The following NBPF12 variants were observed in gnomAD, a reference collection of about 807,000 sequenced individuals.
NBPF12 encodes the protein NBPF member 12, also known as NBPF family member NBPF12.
A neutral mutation model predicts 146.4 loss-of-function variants in NBPF12; 115 were observed. The ratio of observed to expected loss-of-function variants is 0.79; its 90% CI spans 0.68 to 0.92. NBPF12 has a LOEUF of 0.92. Among genes scored for constraint, NBPF12 ranks in the 40% least tolerant of loss-of-function variants. NBPF12 has a pLI of 0.00. For synonymous variants in NBPF12, 385 were observed against 508.9 expected (o/e 0.76, Z 3.28); for missense variants, 1,205 against 1,326.8 (o/e 0.91, Z 1.43).
chr1:146,994,844 T>G, exon 34 of NBPF12: 1 of 632,096 alleles, frequency 1.6e-6, no homozygotes, highest in Non-Finnish European at 2.5e-6. Context: ...CATGTATCTC[T>G]GGGTAGCTAC....
upstream of NBPF12, among the ~76,000 whole-genome samples, chr1:146,947,098 GA>G (rs1189742854): frequency 9.9e-5 from 15 of 151,860 alleles, no homozygotes; most frequent in Middle Eastern, 0.014. Context: ...TGTAAGTCCT[GA>G]AGTTGGTAGT....
chr1:146,982,479 AGAAATT>A (rs1392647812), intron 19 of NBPF12, among the ~76,000 whole-genome samples: 2 of 151,502 alleles, frequency 1.3e-5, no homozygotes, highest in Non-Finnish European at 2.9e-5. Flanking sequence ...TTGCAAGAAA[AGAAATT>A]GAAAAAGTAA....
At chr1:146,949,506 A>G (rs1467365263) in intron 1 of NBPF12, 84 bp downstream of exon 4, 1 of 125,838 alleles carries the variant, frequency 7.9e-6, no homozygotes, top group Non-Finnish European at 1.6e-5. Flanking sequence ...GCATACATTT[A>G]TCTGAAATTG....
At chr1:146,962,710 C>T (rs1402118572) in intron 5 of NBPF12, among the ~76,000 whole-genome samples, 2 of 148,760 alleles carry the variant, frequency 1.3e-5, no homozygotes, top group African/African-American at 5.0e-5. Flanking sequence ...CCATCTGCAC[C>T]TGGCCTCATT....
chr1:146,989,155 A>G (rs1478807514), intron 27 of NBPF12, among the ~76,000 whole-genome samples: 2 of 108,192 alleles, frequency 1.8e-5, no homozygotes, highest in Non-Finnish European at 4.0e-5. Flanking sequence ...TAGGTTGACC[A>G]TACTTCAAAA....
At chr1:146,987,620 A>G (rs1657859071) in intron 25 of NBPF12, among the ~76,000 whole-genome samples, 1 of 152,058 alleles carries the variant, frequency 6.6e-6, no homozygotes, top group Non-Finnish European at 1.5e-5. Flanking sequence ...ACTAACTCAG[A>G]GTGTCCTGTT....
chr1:146,939,270 G>A (rs1654684296), intron 1 of NBPF12, among the ~76,000 whole-genome samples: 2 of 152,050 alleles, frequency 1.3e-5, no homozygotes, highest in African/African-American at 2.4e-5. Flanking sequence ...GCAGCTTCGG[G>A]GGCACGTCTT....
chr1:146,970,031 T>G (rs1166481145), intron 11 of NBPF12, among the ~76,000 whole-genome samples: 1 of 149,566 alleles, frequency 6.7e-6, no homozygotes, highest in Non-Finnish European at 1.5e-5. Flanking sequence ...AATTGTCTCT[T>G]TCAAGGGTCT....
chr1:146,938,457 G>A (rs879015973), upstream of NBPF12, among the ~76,000 whole-genome samples: 8 of 152,240 alleles, frequency 5.3e-5, no homozygotes, highest in South Asian at 2.1e-4. Flanking sequence ...CGGGGAAATC[G>A]GCGAATTGCA....
At chr1:146,971,650 C>T (rs1201114923) in intron 13 of NBPF12, among the ~76,000 whole-genome samples, 4 of 149,738 alleles carry the variant, frequency 2.7e-5, no homozygotes, top group Non-Finnish European at 5.9e-5. Flanking sequence ...ATTAGGCAGT[C>T]ATGGTGCTGC....
At chr1:146,972,927 G>T in exon 14 of NBPF12, 1 of 974,422 alleles carries the variant, frequency 1.0e-6, no homozygotes, top group Admixed American at 1.7e-5. Context: ...AACTCAAGTG[G>T]CCTGCTTCCT....
At chr1:146,979,207 G>T (rs1485206572) in intron 19 of NBPF12, among the ~76,000 whole-genome samples, 197 bp downstream of exon 22, 1 of 113,002 alleles carries the variant, frequency 8.8e-6, no homozygotes, top group Non-Finnish European at 1.8e-5. Flanking sequence ...ATAGGAACTT[G>T]CCATCAGATG....
exon 13 of NBPF12, chr1:146,971,370 C>G: frequency 1.2e-6 from 2 of 1,611,362 alleles, no homozygotes; most frequent in South Asian, 2.2e-5. Context: ...TGATGAATGT[C>G]AGGATGCTCT....
chr1:146,964,444 T>C lies in NBPF12; in HGVS notation c.566+15T>C, dbSNP rs1656060900. 8.1e-6 allele frequency: 13 copies of C among 1,599,004 alleles called. No homozygotes were observed. The highest frequency in any genetic ancestry group is 9.4e-6 in the Non-Finnish European group (11 of 1,167,972). ...TCTGCCCCCAGGTAACACTGAATAC[T>C]CAGGAGCAAGTAATGGGTGGTAACA... On this transcript the variant is annotated intron_variant, in intron 7 of 33. Transcript: ENST00000617844.
At position 146,966,572 on chromosome 1, in the gene NBPF12, G is replaced by A. The variant is rs1553885672; in HGVS notation, c.887G>A (p.Arg296His). Residue 296 changes from arginine (R) to histidine (H), a missense_variant, in exon 9 of 34, where the codon CGC (arginine) becomes CAC (histidine). Arg to His is a conservative substitution (Grantham distance 29, BLOSUM62 0). This residue lies in a region of NBPF12 where 325 missense variants were observed against 236.6 expected (regional missense o/e 1.37). Coordinates refer to ENST00000617844, the Ensembl canonical transcript of NBPF12. ...ATTCTAGAAATCAATGAGAAGTTGC[G>A]CCCCCAGCTGGCAGAGAAGAAACAG... 1.2e-4 allele frequency: 167 copies of A among 1,393,768 alleles called. 2 individuals carry two copies. The East Asian group carries it at 2.5e-3, about 21-fold the overall frequency. The allele number at this position is 1,393,768 out of a possible 1,614,324, so 86.3% of individuals were successfully genotyped here.
chr1:146,993,790 G>A, intron 33 of NBPF12, 83 bp downstream of exon 36: 3 of 76,656 alleles, frequency 3.9e-5, no homozygotes, highest in Non-Finnish European at 6.1e-5. Context: ...TGTGTTTGAT[G>A]TCATGTTTTC....
rs1197225479 is a variant in NBPF12, at chr1:146,970,691, G to A, written c.1351G>A (p.Glu451Lys). The stretch of plus-strand genomic sequence containing the variant: ...TGAAGATGTTCAAGTTGAGGAGGAT[G>A]AGAAAGTGCTGGAATCATCTTCCCC... The change falls in exon 12 of 34, where the codon GAG (glutamate) becomes AAG (lysine). Residue 451 changes from glutamate (E) to lysine (K), a missense_variant. Physicochemically the swap from Glu to Lys is moderately conservative, Grantham distance 56. Around this residue, in one of 16 missense-constraint regions of NBPF12, gnomAD observed 278 missense variants for 203.1 expected, o/e 1.37. Coordinates refer to ENST00000617844, the Ensembl canonical transcript of NBPF12. 3 of 1,419,418 alleles carry A rather than the reference G, an allele frequency of 2.1e-6. No homozygotes were observed. The South Asian group carries it at 3.5e-5, about 16-fold the overall frequency. 87.9% of individuals were successfully genotyped at this position (1,419,418 alleles called of 1,614,324 possible). A position where few individuals can be genotyped will look rare whatever the true frequency, so the allele number is the denominator to read the frequency against.
upstream of NBPF12, among the ~76,000 whole-genome samples, chr1:146,946,793 A>G (rs1655096201): frequency 6.6e-6 from 1 of 151,456 alleles, no homozygotes; most frequent in Admixed American, 6.6e-5. Context: ...CTCCTATGTT[A>G]TCTCCTAGGA....
chr1:146,941,800 C>T (rs1436889516), intron 1 of NBPF12, among the ~76,000 whole-genome samples: 4 of 144,630 alleles, frequency 2.8e-5, no homozygotes, highest in African/African-American at 7.7e-5. Context: ...GAAATCAATG[C>T]CTAGCCTAAG....
Sources: allele counts gnomAD v4.1 joint callset (sites outside exome capture counted in the v4.1 genomes callset), GRCh38; gene constraint gnomAD v4.1.1; regional missense constraint gnomAD v4.1.1; transcripts MANE v1.5; gene names NCBI Gene and HGNC (gene_info 2026-07-23, HGNC 2026-07-21).